PDE4D: variants seen among roughly 807,000 people sequenced by gnomAD.
PDE4D encodes 3',5'-cyclic-AMP phosphodiesterase 4D.
In PDE4D, 24 loss-of-function variants were observed where a neutral mutation model predicts 87.4. The ratio of observed to expected loss-of-function variants is 0.27; its 90% CI spans 0.20 to 0.39. PDE4D has a LOEUF of 0.39. Among genes scored for constraint, PDE4D ranks in the 10% least tolerant of loss-of-function variants. The pLI is 1.00. For synonymous variants in PDE4D, 384 were observed against 383.2 expected (o/e 1.00, Z -0.02); for missense variants, 714 against 1,041.0 (o/e 0.69, Z 4.32).
At chr5:59,533,222 T>C (rs1345362923) in intron 1 of PDE4D, among the ~76,000 whole-genome samples, 1 of 152,212 alleles carries the variant, frequency 6.6e-6, no homozygotes, top group Non-Finnish European at 1.5e-5. Context: ...TTATCATCTA[T>C]TTTTAGAATA....
chr5:59,713,867 G>A (rs981133208), intron 1 of PDE4D, among the ~76,000 whole-genome samples: 4 of 152,220 alleles, frequency 2.6e-5, no homozygotes, highest in Admixed American at 2.6e-4. Context: ...CCTGAGGGAT[G>A]CAGTGCAGGA....
intron 1 of PDE4D, among the ~76,000 whole-genome samples, chr5:59,424,066 G>T (rs1267299018): frequency 6.6e-6 from 1 of 152,114 alleles, no homozygotes; most frequent in Non-Finnish European, 1.5e-5. Flanking sequence ...TAGTGGTAGA[G>T]TGGTTAGGCT....
In PDE4D at chr5:58,972,329, T is replaced by G. The variant is rs1742752821; in HGVS notation, c.*2335A>C. 6.6e-6 allele frequency: 1 copy of G among 152,642 alleles called. No homozygotes were observed. The highest frequency in any genetic ancestry group is 6.5e-5 in the Admixed American group (1 of 15,276). The allele number at this position is 152,642 out of a possible 1,614,324, so 9.5% of individuals were successfully genotyped here. ...TTTTTTCTTATTTGAAAGATTACCA[T>G]CTGATCTTTACAGAGGAAACAGAGT... On this transcript the variant is annotated 3_prime_UTR_variant, in exon 15 of 15. Transcript: ENST00000340635.
intron 1 of PDE4D, among the ~76,000 whole-genome samples, chr5:60,387,469 CA>C (rs1762267323): frequency 6.6e-6 from 1 of 152,106 alleles, no homozygotes; most frequent in Non-Finnish European, 1.5e-5. Flanking sequence ...TGCGTGTTAC[CA>C]TTTCTCCTAG....
chr5:59,311,514 A>C (rs1351742834), intron 1 of PDE4D, among the ~76,000 whole-genome samples: 4 of 150,230 alleles, frequency 2.7e-5, no homozygotes, highest in African/African-American at 4.9e-5. Flanking sequence ...AAAAAAAAAA[A>C]AAAAAAAAAA....
At chr5:60,439,100 G>A (rs1029834472) in intron 1 of PDE4D, among the ~76,000 whole-genome samples, 17 of 151,928 alleles carry the variant, frequency 1.1e-4, no homozygotes, top group Admixed American at 2.6e-4. Flanking sequence ...AGAACAATGC[G>A]TCCCCGATAC....
At chr5:60,468,197 G>A (rs1349524163) in intron 1 of PDE4D, among the ~76,000 whole-genome samples, 1 of 148,620 alleles carries the variant, frequency 6.7e-6, no homozygotes, top group African/African-American at 2.5e-5. Context: ...GGAGTGCAAT[G>A]GTATGATTTC....
At chr5:59,626,535 C>A (rs762629630) in intron 1 of PDE4D, among the ~76,000 whole-genome samples, 2 of 152,106 alleles carry the variant, frequency 1.3e-5, no homozygotes, top group Non-Finnish European at 2.9e-5. Context: ...AAGCTAACTG[C>A]AAGTTTGCAG....
chr5:59,902,569 T>G (rs576109773), intron 3 of PDE4D, among the ~76,000 whole-genome samples: 1 of 152,256 alleles, frequency 6.6e-6, no homozygotes, highest in Admixed American at 6.5e-5. Context: ...AGCCCACAGG[T>G]AGATACAACA....
intron 2 of PDE4D, among the ~76,000 whole-genome samples, chr5:59,214,529 T>C (rs907380485): frequency 3.3e-5 from 5 of 152,174 alleles, no homozygotes; most frequent in African/African-American, 1.2e-4. Flanking sequence ...TCAAGGATTG[T>C]GCTCACCATA....
At chr5:60,301,536 C>T (rs573294629) in intron 1 of PDE4D, among the ~76,000 whole-genome samples, 14 of 152,080 alleles carry the variant, frequency 9.2e-5, no homozygotes, top group Admixed American at 3.9e-4. Context: ...ACAGGAATAC[C>T]AGCAACTTTT....
intron 2 of PDE4D, among the ~76,000 whole-genome samples, chr5:60,084,368 C>G (rs558220086): frequency 6.6e-6 from 1 of 152,000 alleles, no homozygotes; most frequent in Admixed American, 6.5e-5. Flanking sequence ...CATTTTATGA[C>G]AGTGATTCTT....
At chr5:59,271,282 G>C (rs932509617) in intron 1 of PDE4D, among the ~76,000 whole-genome samples, 2 of 152,058 alleles carry the variant, frequency 1.3e-5, no homozygotes, top group Non-Finnish European at 2.9e-5. Flanking sequence ...CAGGCGATCT[G>C]CCTGCCTCAG....
chr5:60,204,183 T>G (rs954896965), intron 1 of PDE4D, among the ~76,000 whole-genome samples: 7 of 152,230 alleles, frequency 4.6e-5, no homozygotes, highest in African/African-American at 1.7e-4. Flanking sequence ...TCTGTCTGTC[T>G]GTCTATCTAT....
At chr5:60,031,632 C>A (rs115322342) in intron 2 of PDE4D, among the ~76,000 whole-genome samples, 1 of 152,196 alleles carries the variant, frequency 6.6e-6, no homozygotes, top group African/African-American at 2.4e-5. Context: ...TTCAATCTAT[C>A]TTTTTACCTA....
chr5:60,509,074 G>A lies in PDE4D; in HGVS notation n.70+12977C>T, dbSNP rs551509496. ...ACCACCAGGCCCAGCTGATTTTTAT[G>A]TTTTTAGTAGAGATGGGGTTGCACC... On this transcript the variant is annotated intron_variant and non_coding_transcript_variant, in intron 1 of 2. Coordinates refer to the PDE4D transcript ENST00000506510. Among the ~76,000 whole-genome samples the A allele has an allele frequency of 3.4e-4, 52 of 151,956 alleles. 2 individuals carry two copies. In the South Asian group the frequency reaches 0.011, roughly 32 times the overall value.
At chr5:60,226,630 T>C (rs574730303) in intron 1 of PDE4D, among the ~76,000 whole-genome samples, 5 of 152,114 alleles carry the variant, frequency 3.3e-5, no homozygotes, top group Non-Finnish European at 7.4e-5. Context: ...AGGTCAACTG[T>C]AGGCAAAAGC....
At chr5:60,059,888 C>T (rs1365474510) in intron 2 of PDE4D, among the ~76,000 whole-genome samples, 3 of 151,768 alleles carry the variant, frequency 2.0e-5, no homozygotes, top group African/African-American at 7.3e-5. Context: ...ATGTTCTGAT[C>T]CCCCCCAGGA....
chr5:60,202,617 T>C (rs1368632061), intron 1 of PDE4D, among the ~76,000 whole-genome samples: 1 of 151,910 alleles, frequency 6.6e-6, no homozygotes, highest in African/African-American at 2.4e-5. Context: ...AAAATAAATA[T>C]GTCCCAGTAG....
Sources: gnomAD v4.1 joint callset for allele counts (sites outside exome capture counted in the v4.1 genomes callset) on GRCh38, gnomAD v4.1.1 for gene constraint, MANE v1.5 for transcripts, NCBI Gene and HGNC (gene_info 2026-07-23, HGNC 2026-07-21) for gene names.